STPG2: variants seen among roughly 807,000 people sequenced by gnomAD.
The protein encoded by STPG2 is sperm tail PG-rich repeat containing 2.
Under a neutral mutation model 54.2 loss-of-function variants are expected in STPG2, and 56 were observed. The ratio of observed to expected loss-of-function variants is 1.03; its 90% CI spans 0.83 to 1.29. STPG2 has a LOEUF of 1.29. STPG2 is among the 50% of genes most tolerant of loss of function. The pLI is 0.00. For synonymous variants in STPG2, 200 were observed against 181.8 expected (o/e 1.10, Z -0.81); for missense variants, 596 against 544.9 (o/e 1.09, Z -0.93).
intron 9 of STPG2, among the ~76,000 whole-genome samples, chr4:97,781,043 C>T (rs1367932748): frequency 6.6e-6 from 1 of 151,992 alleles, no homozygotes; most frequent in East Asian, 1.9e-4. Flanking sequence ...AGAGCAAACA[C>T]ATTCAAAAGC....
intron 4 of STPG2, among the ~76,000 whole-genome samples, chr4:97,510,223 C>G (rs916646258): frequency 1.3e-5 from 2 of 152,078 alleles, no homozygotes; most frequent in Admixed American, 1.3e-4. Context: ...GTTAACATTA[C>G]CAGGGTAAGT....
intron 8 of STPG2, among the ~76,000 whole-genome samples, chr4:97,921,672 A>C (rs1732114448): frequency 6.6e-6 from 1 of 152,160 alleles, no homozygotes; most frequent in South Asian, 2.1e-4. Context: ...TGCATTATGC[A>C]CTTCCCAGAA....
intron 10 of STPG2, among the ~76,000 whole-genome samples, chr4:97,600,711 A>G (rs1454676367): frequency 6.6e-6 from 1 of 152,184 alleles, no homozygotes; most frequent in African/African-American, 2.4e-5. Context: ...GCTATAGCAC[A>G]GGCTATGCAT....
At chr4:98,099,984 C>A (rs1416013926) in intron 5 of STPG2, among the ~76,000 whole-genome samples, 1 of 151,906 alleles carries the variant, frequency 6.6e-6, no homozygotes, top group Admixed American at 6.6e-5. Context: ...CATTGCATAC[C>A]TATATCAAAA....
At chr4:98,088,080 C>A (rs750065816) in intron 5 of STPG2, among the ~76,000 whole-genome samples, 71 of 152,094 alleles carry the variant, frequency 4.7e-4, no homozygotes, top group Non-Finnish European at 9.8e-4. Flanking sequence ...AGTGAGCATT[C>A]AAGGTCAAAG....
chr4:98,018,098 C>A (rs1413741799), intron 5 of STPG2, among the ~76,000 whole-genome samples: 3 of 151,780 alleles, frequency 2.0e-5, no homozygotes, highest in African/African-American at 4.8e-5. Flanking sequence ...ATACATGTGC[C>A]ATGTTGGTGT....
intron 10 of STPG2, 74 bp downstream of exon 10, chr4:97,712,625 T>C (rs1040693706): frequency 2.0e-6 from 2 of 995,910 alleles, no homozygotes; most frequent in Non-Finnish European, 2.8e-6. Context: ...AGGACTTTAA[T>C]ATATACATTT....
chr4:97,736,465 G>T (rs1418802356), intron 9 of STPG2, among the ~76,000 whole-genome samples: 2 of 152,142 alleles, frequency 1.3e-5, no homozygotes, highest in Non-Finnish European at 2.9e-5. Context: ...TCAAAGAAAG[G>T]GGTGACAGAT....
chr4:98,139,614 G>C (rs553601146), intron 1 of STPG2, among the ~76,000 whole-genome samples: 1 of 152,132 alleles, frequency 6.6e-6, no homozygotes, highest in African/African-American at 2.4e-5. Context: ...GAATCCAGCA[G>C]AGAAATCACT....
At chr4:97,781,494 C>G (rs964042140) in intron 9 of STPG2, among the ~76,000 whole-genome samples, 1 of 152,128 alleles carries the variant, frequency 6.6e-6, no homozygotes, top group East Asian at 1.9e-4. Flanking sequence ...CCGAATTCTA[C>G]CAGAGGTACA....
intron 4 of STPG2, among the ~76,000 whole-genome samples, chr4:97,473,778 C>T (rs1028876504): frequency 2.0e-5 from 3 of 152,074 alleles, no homozygotes; most frequent in Non-Finnish European, 2.9e-5. Context: ...ATGTCTCCCC[C>T]GGATGCCCAG....
chr4:97,780,912 T>G (rs1328827537), intron 9 of STPG2, among the ~76,000 whole-genome samples: 1 of 151,894 alleles, frequency 6.6e-6, no homozygotes, highest in Non-Finnish European at 1.5e-5. Flanking sequence ...TACCAGAATC[T>G]CTGGGACACA....
chr4:97,502,259 T>C (rs1347450430), intron 4 of STPG2, among the ~76,000 whole-genome samples: 2 of 151,942 alleles, frequency 1.3e-5, no homozygotes, highest in African/African-American at 2.4e-5. Context: ...ACACAAATCA[T>C]AATTAAATTA....
chr4:97,777,983 T>C (rs1475600580), intron 9 of STPG2, among the ~76,000 whole-genome samples: 1 of 152,128 alleles, frequency 6.6e-6, no homozygotes, highest in Non-Finnish European at 1.5e-5. Context: ...GCTCCCAGCA[T>C]GAGCGACACA....
intron 10 of STPG2, among the ~76,000 whole-genome samples, 195 bp from the exon 11 acceptor site, chr4:97,559,312 AT>A (rs1732162676): frequency 6.6e-6 from 1 of 152,218 alleles, no homozygotes; most frequent in African/African-American, 2.4e-5. Context: ...TGTTGTGAAT[AT>A]AATCAATATT....
intron 8 of STPG2, among the ~76,000 whole-genome samples, chr4:97,940,290 T>C (rs1732927629): frequency 6.6e-6 from 1 of 152,218 alleles, no homozygotes; most frequent in Non-Finnish European, 1.5e-5. Context: ...GATGATCTTC[T>C]TGTGTAGCAT....
chr4:97,672,707 G>A (rs567061333), intron 10 of STPG2, among the ~76,000 whole-genome samples: 7 of 152,234 alleles, frequency 4.6e-5, no homozygotes, highest in African/African-American at 1.4e-4. Flanking sequence ...TGCATCTCAG[G>A]AGAACATGAC....
intron 5 of STPG2, among the ~76,000 whole-genome samples, chr4:98,037,210 A>G (rs939710048): frequency 2.6e-5 from 4 of 152,098 alleles, no homozygotes; most frequent in African/African-American, 9.7e-5. Flanking sequence ...AAAATGGAGA[A>G]CACAAGAAAA....
chr4:97,612,905 T>C (rs1454647248), intron 10 of STPG2, among the ~76,000 whole-genome samples: 4 of 151,986 alleles, frequency 2.6e-5, no homozygotes, highest in Non-Finnish European at 5.9e-5. Flanking sequence ...TAATGATAAT[T>C]AAAAATATAT....
Sources: allele counts gnomAD v4.1 joint callset (sites outside exome capture counted in the v4.1 genomes callset), GRCh38; gene constraint gnomAD v4.1.1; transcripts MANE v1.5; gene names NCBI Gene and HGNC (gene_info 2026-07-23, HGNC 2026-07-21).